The following JPH1 variants were observed in gnomAD, a reference collection of about 807,000 sequenced individuals.
JPH1 encodes junctophilin 1.
A neutral mutation model predicts 53.6 loss-of-function variants in JPH1; 12 were observed. The ratio of observed to expected loss-of-function variants is 0.22; its 90% CI spans 0.14 to 0.36. The LOEUF is 0.36. Ranked by LOEUF, JPH1 falls within the 10% of genes least tolerant of loss-of-function variation. The probability of loss-of-function intolerance (pLI) is 1.00; values close to 1 mark genes in which losing one functional copy is unlikely to be tolerated. For missense variants in JPH1, 808 were observed against 905.5 expected, an observed-to-expected ratio of 0.89 and a Z score of 1.38; for synonymous variants, 375 against 363.8, an observed-to-expected ratio of 1.03 and a Z score of -0.35.
intron 2 of JPH1, among the ~76,000 whole-genome samples, chr8:74,310,273 C>A (rs1807953390): frequency 6.7e-6 from 1 of 148,694 alleles, no homozygotes; most frequent in Non-Finnish European, 1.5e-5. Flanking sequence ...GCTCTTCCAC[C>A]TTTTGAACAT....
intron 3 of JPH1, among the ~76,000 whole-genome samples, chr8:74,247,968 C>T (rs1033859338): frequency 3.3e-5 from 5 of 152,046 alleles, no homozygotes; most frequent in Non-Finnish European, 5.9e-5. Flanking sequence ...CTGATTTGGC[C>T]GTTGGAATAA....
chr8:74,260,641 A>T (rs929088533), intron 2 of JPH1, among the ~76,000 whole-genome samples: 3 of 152,148 alleles, frequency 2.0e-5, no homozygotes, highest in Admixed American at 6.5e-5. Context: ...TGGGCTTTGG[A>T]TGCTCTTCAG....
chr8:74,318,742 T>A (rs1405134854), intron 1 of JPH1, among the ~76,000 whole-genome samples: 1 of 151,864 alleles, frequency 6.6e-6, no homozygotes, highest in African/African-American at 2.4e-5. Flanking sequence ...ATGGGGAGAG[T>A]GCAAACAAAA....
intron 2 of JPH1, among the ~76,000 whole-genome samples, chr8:74,271,443 A>G (rs1806696844): frequency 6.6e-6 from 1 of 152,204 alleles, no homozygotes; most frequent in African/African-American, 2.4e-5. Flanking sequence ...GGAGTACTGG[A>G]AATAGTTCTT....
At chr8:74,268,044 T>C (rs1027084097) in intron 2 of JPH1, among the ~76,000 whole-genome samples, 3 of 152,184 alleles carry the variant, frequency 2.0e-5, no homozygotes, top group Non-Finnish European at 4.4e-5. Flanking sequence ...CTTTATCACA[T>C]GTTGGCTAAA....
At chr8:74,296,949 TG>T (rs1439310341) in intron 2 of JPH1, among the ~76,000 whole-genome samples, 2 of 152,196 alleles carry the variant, frequency 1.3e-5, no homozygotes, top group Non-Finnish European at 2.9e-5. Flanking sequence ...CATAAGCCAA[TG>T]CAAGCTATGA....
chr8:74,254,782 C>T (rs1300520914), intron 3 of JPH1, among the ~76,000 whole-genome samples: 1 of 152,096 alleles, frequency 6.6e-6, no homozygotes, highest in African/African-American at 2.4e-5. Context: ...CATGAGTAAA[C>T]TCCCATTCAC....
At chr8:74,258,145 C>T (rs1464298153) in intron 3 of JPH1, among the ~76,000 whole-genome samples, 1 of 152,178 alleles carries the variant, frequency 6.6e-6, no homozygotes, top group Admixed American at 6.5e-5. Flanking sequence ...AAACATGAAT[C>T]GAACACCTAC....
At chr8:74,291,991 A>C (rs1807341608) in intron 2 of JPH1, among the ~76,000 whole-genome samples, 1 of 152,146 alleles carries the variant, frequency 6.6e-6, no homozygotes, top group Admixed American at 6.5e-5. Flanking sequence ...ACACTTGTAC[A>C]CAGAGTGGGG....
chr8:74,296,419 G>A (rs1314390227), intron 2 of JPH1, among the ~76,000 whole-genome samples: 1 of 151,992 alleles, frequency 6.6e-6, no homozygotes, highest in Non-Finnish European at 1.5e-5. Flanking sequence ...TTAACTATTG[G>A]GAAAAATATT....
At chr8:74,278,104 G>A (rs1296721630) in intron 2 of JPH1, among the ~76,000 whole-genome samples, 1 of 152,160 alleles carries the variant, frequency 6.6e-6, no homozygotes, top group Non-Finnish European at 1.5e-5. Flanking sequence ...ATCTCATCTT[G>A]AATTCCGATG....
At chr8:74,250,711 A>C (rs1446163996) in intron 3 of JPH1, among the ~76,000 whole-genome samples, 2 of 152,204 alleles carry the variant, frequency 1.3e-5, no homozygotes, top group African/African-American at 4.8e-5. Flanking sequence ...GGCCCAGGGA[A>C]GCCAAAAGAT....
At chr8:74,314,621 A>C (rs1808086549) in intron 2 of JPH1, among the ~76,000 whole-genome samples, 2 of 152,192 alleles carry the variant, frequency 1.3e-5, no homozygotes, top group African/African-American at 4.8e-5. Context: ...TGAGGGAAGT[A>C]ATTTAGAACA....
chr8:74,254,546 C>A (rs58300626), intron 3 of JPH1, among the ~76,000 whole-genome samples: 5,767 of 151,982 alleles, frequency 0.038, 388 homozygotes, highest in African/African-American at 0.13. Context: ...CTGGCCAGGG[C>A]AATCAGGCAG....
chr8:74,279,672 T>G (rs1020619143), intron 2 of JPH1, among the ~76,000 whole-genome samples: 1 of 152,348 alleles, frequency 6.6e-6, no homozygotes, highest in East Asian at 1.9e-4. Context: ...AATTCACTTC[T>G]TATACAAAAA....
rs779590296 is a variant in JPH1, at chr8:74,244,723, C to T, written c.1711G>A (p.Asp571Asn). ...QHPPVDVEDG[D>N]GSSQSSSALV... ...GCTGAGGAAGACTGGCTGGATCCAT[C>T]GCCGTCCTCCACGTCTACTGGAGGG... The change falls in exon 4 of 6, where the codon GAT becomes AAT. Residue 571 changes from aspartate to asparagine, a missense_variant. By Grantham distance (23) the Asp-to-Asn change is conservative. This residue lies in a region of JPH1 where 756 missense variants were observed against 811.9 expected (regional missense o/e 0.93). Coordinates refer to ENST00000342232, the MANE Select transcript of JPH1 (RefSeq NM_020647.4). 15 of 1,613,976 alleles carry T rather than the reference C, an allele frequency of 9.3e-6. No individual in the cohort carries two copies. Among genetic ancestry groups the T allele is most frequent in the Admixed American group, 1.7e-5 (1 of 59,998 alleles).
At chr8:74,293,862 G>A (rs1807414067) in intron 2 of JPH1, among the ~76,000 whole-genome samples, 1 of 152,182 alleles carries the variant, frequency 6.6e-6, no homozygotes, top group Non-Finnish European at 1.5e-5. Flanking sequence ...AAATAGGATA[G>A]TCTGGACCCA....
intron 2 of JPH1, among the ~76,000 whole-genome samples, chr8:74,293,426 G>A (rs1330937215): frequency 6.6e-6 from 1 of 152,144 alleles, no homozygotes; most frequent in Non-Finnish European, 1.5e-5. Flanking sequence ...AACCCTGTGA[G>A]GAGGTGCCAC....
chr8:74,286,918 A>G (rs1197025813), intron 2 of JPH1, among the ~76,000 whole-genome samples: 1 of 152,238 alleles, frequency 6.6e-6, no homozygotes, highest in East Asian at 1.9e-4. Flanking sequence ...TCATTTCCCA[A>G]GAAAATGGAA....
Sources: allele counts gnomAD v4.1 joint callset (sites outside exome capture counted in the v4.1 genomes callset), GRCh38; gene constraint gnomAD v4.1.1; regional missense constraint gnomAD v4.1.1; transcripts MANE v1.5; gene names NCBI Gene and HGNC (gene_info 2026-07-23, HGNC 2026-07-21).